SBF2: variants seen among roughly 807,000 people sequenced by gnomAD.
SBF2 encodes SET binding factor 2.
SBF2 carries 112 observed loss-of-function variants against 225.2 expected under a neutral mutation model. The ratio of observed to expected loss-of-function variants is 0.50; its 90% CI spans 0.43 to 0.58. The LOEUF (loss-of-function observed/expected upper bound fraction) is 0.58. SBF2 is among the 20% of genes least tolerant of loss of function. The pLI, the probability that SBF2 is intolerant of heterozygous loss-of-function variation, is 0.00. For synonymous variants in SBF2, 763 were observed against 773.3 expected (o/e 0.99, Z 0.22); for missense variants, 1,996 against 2,206.2 (o/e 0.90, Z 1.91).
At chr11:10,226,824 T>A (rs1958583742) in intron 1 of SBF2, among the ~76,000 whole-genome samples, 1 of 152,222 alleles carries the variant, frequency 6.6e-6, no homozygotes, top group Non-Finnish European at 1.5e-5. Context: ...GCATGATTTA[T>A]AATCCTTTGG....
chr11:9,918,939 T>C (rs1354416347), intron 16 of SBF2, among the ~76,000 whole-genome samples: 5 of 152,050 alleles, frequency 3.3e-5, no homozygotes, highest in Non-Finnish European at 7.4e-5. Context: ...AGACGCGGTT[T>C]CACCGTGTTA....
chr11:10,077,121 G>A (rs1232447452), intron 2 of SBF2, among the ~76,000 whole-genome samples: 1 of 151,938 alleles, frequency 6.6e-6, no homozygotes, highest in East Asian at 1.9e-4. Context: ...AAAATTGCAT[G>A]GGGTTTGACC....
intron 1 of SBF2, among the ~76,000 whole-genome samples, chr11:10,248,965 G>A (rs545107043): frequency 3.5e-4 from 54 of 152,162 alleles, no homozygotes; most frequent in African/African-American, 8.9e-4. Context: ...GGGTGGTGGC[G>A]GGAGCCTGTA....
intron 2 of SBF2, among the ~76,000 whole-genome samples, chr11:10,145,233 T>C (rs1477472856): frequency 6.6e-6 from 1 of 152,200 alleles, no homozygotes; most frequent in Non-Finnish European, 1.5e-5. Flanking sequence ...TCAAAGGCTA[T>C]GACTGCCAAA....
At chr11:9,844,881 C>T (rs1329323456) in intron 24 of SBF2, among the ~76,000 whole-genome samples, 1 of 151,948 alleles carries the variant, frequency 6.6e-6, no homozygotes, top group African/African-American at 2.4e-5. Context: ...ACGTTCTGCA[C>T]ATGTATTCCA....
At position 10,274,230 on chromosome 11, in the gene SBF2, C is replaced by T. The variant is rs114622923; in HGVS notation, c.55+19785G>A. Among the ~76,000 whole-genome samples, 1,029 of 152,198 alleles carry T rather than the reference C, an allele frequency of 6.8e-3. 10 individuals are homozygous for T. Among genetic ancestry groups the T allele is most frequent in the African/African-American group, 0.023 (972 of 41,510 alleles). On this transcript the variant is annotated intron_variant, in intron 1 of 39. Transcript: ENST00000256190. ...CCAATCCTTCCCATACAGAGGCAGG[C>T]GCTCCTTCCGCTGTCAACCTTGGAG...
Position 10,294,185 on chromosome 11 carries a change from C to A in SBF2, c.-116G>T. ...GCAGCGGCAGTAGCGGCAGCGGCAG[C>A]GCTTCAGCCATGTTTGACAACCGAG... On this transcript the variant is annotated 5_prime_UTR_variant, in exon 1 of 40. Transcript: ENST00000256190. 1.3e-6 allele frequency: 1 copy of A among 786,260 alleles called. No individual in the cohort carries two copies. The highest frequency in any genetic ancestry group is 1.7e-6 in the Non-Finnish European group (1 of 578,118). 48.7% of individuals were successfully genotyped at this position (786,260 alleles called of 1,614,324 possible). A position where few individuals can be genotyped will look rare whatever the true frequency, so the allele number is the denominator to read the frequency against.
intron 2 of SBF2, among the ~76,000 whole-genome samples, chr11:10,100,168 T>C (rs545199491): frequency 3.6e-4 from 55 of 152,330 alleles, no homozygotes; most frequent in African/African-American, 1.3e-3. Context: ...TTTGTAAAAA[T>C]GGAAACCAAG....
chr11:9,997,058 C>T (rs993396111), intron 9 of SBF2, among the ~76,000 whole-genome samples: 2 of 152,228 alleles, frequency 1.3e-5, no homozygotes, highest in African/African-American at 2.4e-5. Context: ...TCAGTCTTCT[C>T]TAACTGTTCC....
At chr11:9,873,352 G>T (rs954617095) in intron 17 of SBF2, among the ~76,000 whole-genome samples, 1 of 152,008 alleles carries the variant, frequency 6.6e-6, no homozygotes, top group Non-Finnish European at 1.5e-5. Flanking sequence ...CACAGTCTGA[G>T]AATTCAAAAG....
chr11:10,121,297 T>C (rs1386069137), intron 2 of SBF2, among the ~76,000 whole-genome samples: 3 of 152,220 alleles, frequency 2.0e-5, no homozygotes, highest in African/African-American at 7.2e-5. Flanking sequence ...CTGGTTTGCT[T>C]CTTCCATCTA....
intron 16 of SBF2, chr11:9,958,574 G>A (rs898837989): frequency 5.2e-6 from 1 of 193,440 alleles, no homozygotes; most frequent in Non-Finnish European, 1.1e-5. Context: ...TAGCCAGGAT[G>A]GTCTCGATCT....
chr11:10,035,507 T>C (rs1339823002), intron 3 of SBF2, among the ~76,000 whole-genome samples: 1 of 152,114 alleles, frequency 6.6e-6, no homozygotes, highest in African/African-American at 2.4e-5. Context: ...AATTTTGCAA[T>C]CTACCCATCT....
chr11:9,843,428 G>A lies in SBF2; in HGVS notation c.3111-658C>T, dbSNP rs78433228. On this transcript the variant is annotated intron_variant, in intron 24 of 39. Coordinates refer to ENST00000256190, the MANE Select transcript of SBF2 (RefSeq NM_030962.4). ...TCAGCTTTAATTAAAGGGAAACTAA[G>A]ATGTAATGGACCTAGAAGTACTTTA... 1.2e-3 allele frequency among the ~76,000 whole-genome samples: 184 copies of A among 152,326 alleles called. 2 individuals are homozygous for A. The highest frequency in any genetic ancestry group is 4.4e-3 in the African/African-American group (182 of 41,568).
At chr11:9,916,834 C>T (rs945550358) in intron 16 of SBF2, among the ~76,000 whole-genome samples, 11 of 151,994 alleles carry the variant, frequency 7.2e-5, no homozygotes, top group African/African-American at 2.7e-4. Context: ...ATCCTCTTGC[C>T]TCAGCCTCCC....
intron 30 of SBF2, 64 bp from the exon 31 acceptor site, chr11:9,809,066 G>A (rs1177215196): frequency 1.0e-5 from 13 of 1,266,064 alleles, no homozygotes; most frequent in Non-Finnish European, 1.5e-5. Context: ...GTCAGAGAGA[G>A]TTGCTTTCAA....
chr11:10,229,830 C>T (rs143022929), intron 1 of SBF2, among the ~76,000 whole-genome samples: 16,080 of 152,026 alleles, frequency 0.11, 1,008 homozygotes, highest in Non-Finnish European at 0.11. Context: ...CTATTAGGTC[C>T]GCTTGGTGCA....
chr11:9,886,699 G>GTTTTTTT lies in SBF2; in HGVS notation c.1929+9237_1929+9243dup, dbSNP rs61240594. On this transcript the variant is annotated intron_variant, in intron 17 of 39. Transcript: ENST00000256190. Reference sequence around the variant, plus strand: ...ACAATTCCCAGTAAGTGATTCATGTGTTTTTTTTTTGCCTATAATATTTAT... The same window carrying GTTTTTTT: ...ACAATTCCCAGTAAGTGATTCATGTGTTTTTTTTTTTTTTTTTGCCTATAATATTTAT... Among the ~76,000 whole-genome samples, 134 of 133,758 alleles carry GTTTTTTT rather than the reference G, an allele frequency of 1.0e-3. 11 individuals carry two copies. Among genetic ancestry groups the GTTTTTTT allele is most frequent in the South Asian group, 2.1e-3 (9 of 4,276 alleles). 87.8% of individuals were successfully genotyped at this position (133,758 alleles called of 152,430 possible). A position where few individuals can be genotyped will look rare whatever the true frequency, so the allele number is the denominator to read the frequency against.
chr11:10,199,219 A>G (rs1283493537), intron 1 of SBF2, among the ~76,000 whole-genome samples: 1 of 152,170 alleles, frequency 6.6e-6, no homozygotes, highest in Non-Finnish European at 1.5e-5. Context: ...AGGCCTGAGG[A>G]GAGGGAGAGA....
Sources: gnomAD v4.1 joint callset for allele counts (sites outside exome capture counted in the v4.1 genomes callset) on GRCh38, gnomAD v4.1.1 for gene constraint, MANE v1.5 for transcripts, NCBI Gene and HGNC (gene_info 2026-07-23, HGNC 2026-07-21) for gene names.